The following PSD3 variants were observed in gnomAD, a reference collection of about 807,000 sequenced individuals.
PSD3 encodes pleckstrin and Sec7 domain containing 3.
Under a neutral mutation model 105.5 loss-of-function variants are expected in PSD3, and 49 were observed. The ratio of observed to expected loss-of-function variants is 0.46; its 90% CI spans 0.37 to 0.59. The LOEUF (loss-of-function observed/expected upper bound fraction) is 0.59, where lower values mean the gene tolerates loss of function less well. Among genes scored for constraint, PSD3 ranks in the 20% least tolerant of loss-of-function variants. PSD3 has a pLI of 0.00. For synonymous variants in PSD3, 557 were observed against 457.8 expected (o/e 1.22, Z -2.77); for missense variants, 1,561 against 1,263.8 (o/e 1.24, Z -3.57).
intron 1 of PSD3, among the ~76,000 whole-genome samples, chr8:19,046,560 T>A (rs560615107): frequency 6.6e-6 from 1 of 152,324 alleles, no homozygotes; most frequent in African/African-American, 2.4e-5. Flanking sequence ...CCATGCCTAT[T>A]CTTACTCAAT....
chr8:19,056,516 T>C (rs1257494711), intron 1 of PSD3, among the ~76,000 whole-genome samples: 1 of 152,248 alleles, frequency 6.6e-6, no homozygotes, highest in South Asian at 2.1e-4. Flanking sequence ...TGAAGATATG[T>C]CTAAGTTGAA....
At chr8:18,902,013 A>T (rs1478375296) in intron 2 of PSD3, among the ~76,000 whole-genome samples, 1 of 152,180 alleles carries the variant, frequency 6.6e-6, no homozygotes. Context: ...CAGGCAAAAA[A>T]GAAAAAAGAA....
Position 18,567,654 on chromosome 8 carries a change from T to C in PSD3, c.2784+4874A>G, listed in dbSNP as rs117020582. 9.9e-3 allele frequency among the ~76,000 whole-genome samples: 1,507 copies of C among 152,314 alleles called. 11 individuals carry two copies. Among genetic ancestry groups the C allele is most frequent in the Non-Finnish European group, 0.013 (888 of 68,026 alleles). On this transcript the variant is annotated intron_variant, in intron 14 of 15. Coordinates refer to ENST00000327040, the MANE Select transcript of PSD3 (RefSeq NM_015310.4). ...CTTTCCTGAAACCACAGATTCTTCC[T>C]TCTTACTACTAGTCTTTCTGTTTTT...
chr8:18,564,541 A>G (rs527546750), intron 14 of PSD3, among the ~76,000 whole-genome samples: 1 of 152,046 alleles, frequency 6.6e-6, no homozygotes, highest in South Asian at 2.1e-4. Context: ...AGGCAGGACA[A>G]TCACTTGAAC....
intron 4 of PSD3, among the ~76,000 whole-genome samples, chr8:18,856,466 G>C (rs1816015349): frequency 6.6e-6 from 1 of 152,198 alleles, no homozygotes; most frequent in Admixed American, 6.5e-5. Flanking sequence ...CAGGCCTGTA[G>C]CGAAGTATAA....
At chr8:18,968,804 A>T (rs1004859790) in intron 1 of PSD3, among the ~76,000 whole-genome samples, 1 of 134,740 alleles carries the variant, frequency 7.4e-6, no homozygotes, top group East Asian at 2.5e-4. Flanking sequence ...TGAACCCAGG[A>T]GGTGGAGGTT....
chr8:18,677,274 G>C (rs1386695), intron 9 of PSD3, among the ~76,000 whole-genome samples: 150,776 of 152,312 alleles, frequency 0.99, 74,645 homozygotes, highest in East Asian at 1. Context: ...ACTTTGCTAG[G>C]TTTCCTAACA....
At chr8:18,929,821 G>GA (rs71218910) in intron 2 of PSD3, among the ~76,000 whole-genome samples, 1 of 151,632 alleles carries the variant, frequency 6.6e-6, no homozygotes, top group Admixed American at 6.6e-5. Context: ...ATCTCAGGGG[G>GA]AAAAAAAATC....
chr8:18,699,993 G>A (rs1001723679), intron 9 of PSD3, among the ~76,000 whole-genome samples: 5 of 152,226 alleles, frequency 3.3e-5, no homozygotes, highest in African/African-American at 9.6e-5. Flanking sequence ...CCCATCAGCA[G>A]TTAATCAACA....
At chr8:18,750,321 C>T (rs1019487281) in intron 9 of PSD3, among the ~76,000 whole-genome samples, 1 of 151,886 alleles carries the variant, frequency 6.6e-6, no homozygotes, top group East Asian at 1.9e-4. Flanking sequence ...TTTCTTCCTT[C>T]TGGTGGGTTC....
At chr8:18,988,732 A>G (rs1825638848) in intron 1 of PSD3, among the ~76,000 whole-genome samples, 1 of 152,200 alleles carries the variant, frequency 6.6e-6, no homozygotes, top group Admixed American at 6.5e-5. Flanking sequence ...GAGAGTCCCC[A>G]AACTTGGGGA....
intron 4 of PSD3, among the ~76,000 whole-genome samples, chr8:18,856,439 C>T (rs760276905): frequency 1.8e-4 from 28 of 152,260 alleles, no homozygotes; most frequent in African/African-American, 1.4e-4. Context: ...GAGAAGACCA[C>T]GGCCTAACAG....
At chr8:19,068,094 A>C (rs1293541681) in intron 1 of PSD3, among the ~76,000 whole-genome samples, 1 of 152,144 alleles carries the variant, frequency 6.6e-6, no homozygotes, top group Non-Finnish European at 1.5e-5. Context: ...GACTGGCTGC[A>C]CAATCCCTTG....
At chr8:18,745,424 C>T (rs1804927446) in intron 9 of PSD3, among the ~76,000 whole-genome samples, 1 of 152,200 alleles carries the variant, frequency 6.6e-6, no homozygotes, top group Non-Finnish European at 1.5e-5. Context: ...AATACTATCA[C>T]TTTGTTGCTC....
At chr8:18,639,718 C>A (rs900205708) in intron 10 of PSD3, among the ~76,000 whole-genome samples, 1 of 152,144 alleles carries the variant, frequency 6.6e-6, no homozygotes, top group East Asian at 1.9e-4. Context: ...TGATCAAGAA[C>A]CATGAGACAA....
chr8:18,772,083 AT>A (rs1807594301), intron 8 of PSD3, among the ~76,000 whole-genome samples: 2 of 152,126 alleles, frequency 1.3e-5, no homozygotes, highest in Admixed American at 1.3e-4. Context: ...AGGCTGAACG[AT>A]TTTCCATTTT....
At chr8:18,877,482 A>G (rs1817799328) in intron 2 of PSD3, among the ~76,000 whole-genome samples, 1 of 152,060 alleles carries the variant, frequency 6.6e-6, no homozygotes, top group African/African-American at 2.4e-5. Flanking sequence ...TACATATATT[A>G]ATATATATGC....
intron 9 of PSD3, among the ~76,000 whole-genome samples, chr8:18,686,201 A>G (rs918548774): frequency 9.9e-5 from 15 of 152,192 alleles, no homozygotes; most frequent in African/African-American, 3.6e-4. Flanking sequence ...AACCACTTTC[A>G]TCGATCTGTT....
chr8:18,559,180 G>A (rs1482821614), intron 14 of PSD3, among the ~76,000 whole-genome samples: 2 of 152,102 alleles, frequency 1.3e-5, no homozygotes, highest in Non-Finnish European at 2.9e-5. Context: ...TAGAATATGC[G>A]CATCTTTAAG....
Sources: allele counts gnomAD v4.1 joint callset (sites outside exome capture counted in the v4.1 genomes callset), GRCh38; gene constraint gnomAD v4.1.1; transcripts MANE v1.5; gene names NCBI Gene and HGNC (gene_info 2026-07-23, HGNC 2026-07-21).